Variants in FBXL13 observed in about 807,000 individuals in gnomAD.
FBXL13 encodes the protein F-box and leucine-rich repeat protein 13.
A neutral mutation model predicts 83.6 loss-of-function variants in FBXL13; 67 were observed. That is an observed-to-expected ratio of 0.80 (90% CI 0.66 to 0.98). The LOEUF is 0.98. FBXL13 is among the 50% of genes least tolerant of loss of function. FBXL13 has a pLI of 0.00. For missense variants in FBXL13, 822 were observed against 866.5 expected (o/e 0.95, Z 0.64); for synonymous variants, 272 against 299.5 (o/e 0.91, Z 0.95).
intron 19 of FBXL13, among the ~76,000 whole-genome samples, chr7:102,819,962 C>G (rs557768286): frequency 1.3e-5 from 2 of 152,238 alleles, no homozygotes; most frequent in South Asian, 4.1e-4. Flanking sequence ...TACAGCTTCT[C>G]TAATAAAAAA....
At chr7:102,846,590 T>C (rs116241630) in intron 17 of FBXL13, among the ~76,000 whole-genome samples, 1,649 of 140,592 alleles carry the variant, frequency 0.012, 34 homozygotes, top group African/African-American at 0.043. Flanking sequence ...CATACAAGCC[T>C]GGGCAACAGA....
chr7:102,970,842 C>T (rs1826558377), intron 6 of FBXL13, among the ~76,000 whole-genome samples: 1 of 151,902 alleles, frequency 6.6e-6, no homozygotes, highest in Admixed American at 6.6e-5. Flanking sequence ...TGCGACTCAG[C>T]TAAGAAGAGA....
At position 102,859,299 on chromosome 7, in the gene FBXL13, C is replaced by T. The variant is rs1334949825; in HGVS notation, c.1636-4439G>A. On this transcript the variant is annotated intron_variant, in intron 16 of 19. Transcript: ENST00000313221. ...ATCGAGCCGGCAGAGATGAGGCCTC[C>T]ACTAAAAATTGCCTCATGCTGGTTA... 2.6e-5 allele frequency among the ~76,000 whole-genome samples: 4 copies of T among 152,234 alleles called. No individual in the cohort carries two copies. In the East Asian group the frequency reaches 7.7e-4, roughly 29 times the overall value.
intron 17 of FBXL13, among the ~76,000 whole-genome samples, chr7:102,848,213 A>C (rs1040818182): frequency 6.6e-6 from 1 of 152,166 alleles, no homozygotes; most frequent in African/African-American, 2.4e-5. Flanking sequence ...AATAATTAGA[A>C]ATTTTTGTCT....
At chr7:102,823,946 T>C (rs1799181699) in intron 18 of FBXL13, among the ~76,000 whole-genome samples, 1 of 151,856 alleles carries the variant, frequency 6.6e-6, no homozygotes, top group Non-Finnish European at 1.5e-5. Flanking sequence ...TCTGATGTCA[T>C]TGATAAAAGA....
intron 11 of FBXL13, among the ~76,000 whole-genome samples, chr7:102,907,240 CCTT>C (rs1442676590): frequency 1.3e-5 from 2 of 152,190 alleles, no homozygotes; most frequent in Non-Finnish European, 2.9e-5. Flanking sequence ...TCTACCTCCT[CCTT>C]AAGGCCAACA....
At chr7:102,942,426 A>G in intron 8 of FBXL13, 1 of 1,256,862 alleles carries the variant, frequency 8.0e-7, no homozygotes, top group African/African-American at 1.5e-5. Flanking sequence ...TTGTTGTGGA[A>G]AAGAGAAAGA....
chr7:103,050,907 C>T (rs775259857), intron 2 of FBXL13, among the ~76,000 whole-genome samples: 1 of 152,092 alleles, frequency 6.6e-6, no homozygotes. Flanking sequence ...CATCCCATAG[C>T]GCCAAACCTG....
chr7:102,891,160 G>A (rs1468365560), intron 11 of FBXL13, among the ~76,000 whole-genome samples: 1 of 152,182 alleles, frequency 6.6e-6, no homozygotes, highest in Non-Finnish European at 1.5e-5. Context: ...GTCCTCTATA[G>A]GGACAGGAAG....
intron 8 of FBXL13, among the ~76,000 whole-genome samples, chr7:102,950,653 A>G (rs751545632): frequency 1.1e-4 from 16 of 152,350 alleles, no homozygotes; most frequent in Admixed American, 7.8e-4. Context: ...GTATATTCAG[A>G]CAATGGAATA....
At chr7:102,834,145 G>A (rs148906634) in intron 17 of FBXL13, among the ~76,000 whole-genome samples, 2 of 94,794 alleles carry the variant, frequency 2.1e-5, no homozygotes, top group Admixed American at 2.0e-4. Context: ...AAAGAAAAGA[G>A]AAGACAAGAG....
chr7:102,941,046 A>T (rs1821327036), intron 8 of FBXL13, among the ~76,000 whole-genome samples: 1 of 152,228 alleles, frequency 6.6e-6, no homozygotes, highest in Non-Finnish European at 1.5e-5. Flanking sequence ...CCACAAGGGC[A>T]TATTTTAGAG....
chr7:102,831,706 C>G (rs1279077254), intron 18 of FBXL13, among the ~76,000 whole-genome samples: 1 of 152,004 alleles, frequency 6.6e-6, no homozygotes, highest in African/African-American at 2.4e-5. Context: ...TTTTTTCCAG[C>G]TTTCTCTACT....
At chr7:102,962,482 A>G (rs1269806763) in intron 8 of FBXL13, among the ~76,000 whole-genome samples, 2 of 152,150 alleles carry the variant, frequency 1.3e-5, no homozygotes, top group African/African-American at 2.4e-5. Flanking sequence ...CCCATTACTG[A>G]GTATATACCC....
chr7:102,839,813 C>T (rs1283156330), intron 17 of FBXL13, among the ~76,000 whole-genome samples: 1 of 151,906 alleles, frequency 6.6e-6, no homozygotes, highest in Non-Finnish European at 1.5e-5. Flanking sequence ...ATTATATAGG[C>T]ATAAACTATT....
chr7:102,958,529 TATAATAATAATA>T lies in FBXL13; in HGVS notation c.724+4992_724+5003del, dbSNP rs144163542. Among the ~76,000 whole-genome samples the T allele has an allele frequency of 8.6e-4, 124 of 144,414 alleles. 1 individual carries two copies. Among genetic ancestry groups the T allele is most frequent in the Admixed American group, 1.6e-3 (23 of 14,304 alleles). 94.7% of individuals were successfully genotyped at this position (144,414 alleles called of 152,430 possible). On this transcript the variant is annotated intron_variant, in intron 8 of 19. Transcript: ENST00000313221. The stretch of plus-strand genomic sequence containing the variant: ...TGCACATGTACCCTAGAACTTAAAG[TATAATAATAATA>T]ATAATAATAATAATAATAATAATAA...
At chr7:102,880,991 TA>T (rs1809971495) in intron 14 of FBXL13, among the ~76,000 whole-genome samples, 1 of 152,082 alleles carries the variant, frequency 6.6e-6, no homozygotes, top group South Asian at 2.1e-4. Context: ...ATTGAGAGAG[TA>T]GAAAAGAATG....
intron 6 of FBXL13, among the ~76,000 whole-genome samples, chr7:102,976,687 A>G (rs1402653599): frequency 6.6e-6 from 1 of 152,078 alleles, no homozygotes; most frequent in African/African-American, 2.4e-5. Flanking sequence ...CCCAGTTCCT[A>G]TCACAGAAGC....
intron 6 of FBXL13, among the ~76,000 whole-genome samples, chr7:102,995,999 T>G (rs1163303412): frequency 6.6e-6 from 1 of 152,076 alleles, no homozygotes; most frequent in East Asian, 1.9e-4. Flanking sequence ...GCTATTAGTT[T>G]AGGGTTTGGT....
Sources: allele counts gnomAD v4.1 joint callset (sites outside exome capture counted in the v4.1 genomes callset), GRCh38; gene constraint gnomAD v4.1.1; transcripts MANE v1.5; gene names NCBI Gene and HGNC (gene_info 2026-07-23, HGNC 2026-07-21).